C1orf141: variants seen among roughly 807,000 people sequenced by gnomAD.
C1orf141 encodes the protein uncharacterized protein C1orf141.
A neutral mutation model predicts 23.2 loss-of-function variants in C1orf141; 19 were observed. The observed-to-expected ratio is 0.82, with a 90% confidence interval of 0.57 to 1.20. C1orf141 has a LOEUF of 1.20. Ranked by LOEUF, C1orf141 falls within the 50% of genes most tolerant of loss-of-function variation. C1orf141 has a pLI of 0.00. For synonymous variants in C1orf141, 153 were observed against 154.6 expected (o/e 0.99, Z 0.08); for missense variants, 469 against 455.1 (o/e 1.03, Z -0.28).
intron 2 of C1orf141, 38 bp from the exon 3 acceptor site, chr1:67,127,295 C>A: frequency 8.6e-7 from 1 of 1,168,314 alleles, no homozygotes; most frequent in Non-Finnish European, 1.3e-6. Flanking sequence ...CAAATCAATT[C>A]AAATTTAAAC....
intron 1 of C1orf141, among the ~76,000 whole-genome samples, 190 bp downstream of exon 1, chr1:67,134,740 C>G (rs930718325): frequency 6.6e-6 from 1 of 152,236 alleles, no homozygotes; most frequent in Admixed American, 6.5e-5. Flanking sequence ...GGGCTCGCCT[C>G]TCGCCGCGGT....
intron 7 of C1orf141, chr1:67,094,116 C>T (rs1645616799): frequency 6.6e-6 from 1 of 152,128 alleles, no homozygotes; most frequent in Non-Finnish European, 1.5e-5. Flanking sequence ...TAATACTTAG[C>T]ACAATACCTG....
Position 67,093,148 on chromosome 1 carries a change from C to G in C1orf141, c.1060G>C (p.Gly354Arg). 6.2e-7 allele frequency: 1 copy of G among 1,613,870 alleles called. No homozygotes were observed. The highest frequency in any genetic ancestry group is 8.5e-7 in the Non-Finnish European group (1 of 1,179,864). Reference sequence around the variant, plus strand: ...GATGTGGGTATGCTCGTTGGTTTTCCTGCAGAAAACATTCTTTCAAATTTT... The same window carrying G: ...GATGTGGGTATGCTCGTTGGTTTTCGTGCAGAAAACATTCTTTCAAATTTT... ...TGKFERMFSAGKPTSIPTSSA... is the reference protein window; with the variant it reads ...TGKFERMFSARKPTSIPTSSA... The change falls in exon 8 of 8, where the codon GGA (glycine) becomes CGA (arginine). Residue 354 changes from glycine (G) to arginine (R), a missense_variant. Physicochemically the swap from Gly to Arg is moderately radical, Grantham distance 125 (BLOSUM62 -2). Around this residue, in one of 3 missense-constraint regions of C1orf141, gnomAD observed 370 missense variants for 348.1 expected, o/e 1.06. Transcript: ENST00000684719.
At chr1:67,111,671 A>C (rs1239592501) in intron 5 of C1orf141, 2 of 1,149,492 alleles carry the variant, frequency 1.7e-6, no homozygotes, top group Non-Finnish European at 1.2e-6. Context: ...AAGTATTTCC[A>C]TGCTATTAAG....
chr1:67,117,150 C>T (rs1225651783), intron 4 of C1orf141, among the ~76,000 whole-genome samples: 9 of 152,136 alleles, frequency 5.9e-5, no homozygotes, highest in African/African-American at 9.7e-5. Context: ...AGGCCGGGCG[C>T]GGTGGCTAAT....
chr1:67,102,941 A>G (rs764813159), intron 5 of C1orf141, among the ~76,000 whole-genome samples: 1 of 152,128 alleles, frequency 6.6e-6, no homozygotes, highest in African/African-American at 2.4e-5. Flanking sequence ...TCTCTTAACT[A>G]TTAAAGACAA....
chr1:67,096,717 A>C (rs1645689224), intron 5 of C1orf141, among the ~76,000 whole-genome samples: 1 of 152,260 alleles, frequency 6.6e-6, no homozygotes. Context: ...TGAAGTAAGC[A>C]TCATCCAAGG....
upstream of C1orf141, among the ~76,000 whole-genome samples, chr1:67,138,599 C>T (rs1646605317): frequency 6.6e-6 from 1 of 152,072 alleles, no homozygotes; most frequent in African/African-American, 2.4e-5. Context: ...CAGTCAAAAC[C>T]ATGCAGCATA....
intron 5 of C1orf141, among the ~76,000 whole-genome samples, chr1:67,110,115 T>C (rs1646034393): frequency 6.6e-6 from 1 of 152,136 alleles, no homozygotes; most frequent in Non-Finnish European, 1.5e-5. Flanking sequence ...AACAACTTAA[T>C]CAGAGTTCAA....
At chr1:67,126,646 C>T (rs935378087) in intron 3 of C1orf141, among the ~76,000 whole-genome samples, 3 of 152,162 alleles carry the variant, frequency 2.0e-5, no homozygotes, top group African/African-American at 7.2e-5. Context: ...TAGGACAGAT[C>T]GCTGAAAGAA....
chr1:67,106,366 G>T (rs546324611), intron 5 of C1orf141, among the ~76,000 whole-genome samples: 1 of 152,254 alleles, frequency 6.6e-6, no homozygotes, highest in South Asian at 2.1e-4. Context: ...TGCTTGATGG[G>T]TCAGGCACGG....
At chr1:67,122,464 T>C (rs897023948) in intron 4 of C1orf141, 6 of 152,214 alleles carry the variant, frequency 3.9e-5, no homozygotes, top group Admixed American at 6.5e-5. Flanking sequence ...AAGGATCAAA[T>C]CTACCTTTGC....
chr1:67,095,102 T>C, intron 7 of C1orf141, 133 bp downstream of exon 7: 2 of 571,070 alleles, frequency 3.5e-6, no homozygotes, highest in Non-Finnish European at 6.0e-6. Context: ...TTAAGTGCTG[T>C]TATCACTTTG....
At chr1:67,140,011 C>A (rs894410564) in intron 1 of C1orf141, among the ~76,000 whole-genome samples, 3 of 152,148 alleles carry the variant, frequency 2.0e-5, no homozygotes, top group Non-Finnish European at 2.9e-5. Context: ...CCATGTGATG[C>A]CCTGTGCCAC....
At chr1:67,124,576 C>T (rs1045084158) in intron 4 of C1orf141, among the ~76,000 whole-genome samples, 1 of 152,210 alleles carries the variant, frequency 6.6e-6, no homozygotes, top group Non-Finnish European at 1.5e-5. Context: ...ACCTCAGCCT[C>T]CCAATGTGTT....
chr1:67,110,260 G>A (rs983298350), intron 5 of C1orf141, among the ~76,000 whole-genome samples: 9 of 152,040 alleles, frequency 5.9e-5, no homozygotes, highest in African/African-American at 2.2e-4. Context: ...GGGGAATCAG[G>A]AGTTAGTGAT....
At chr1:67,116,352 T>C (rs1313435845) in intron 4 of C1orf141, among the ~76,000 whole-genome samples, 1 of 152,052 alleles carries the variant, frequency 6.6e-6, no homozygotes, top group African/African-American at 2.4e-5. Context: ...TTCTTTGAAA[T>C]AGATTCCAAA....
chr1:67,140,282 G>T (rs1266689373), intron 1 of C1orf141, among the ~76,000 whole-genome samples: 1 of 151,996 alleles, frequency 6.6e-6, no homozygotes, highest in Non-Finnish European at 1.5e-5. Context: ...TAAAATTTCT[G>T]TATGTCAAAA....
chr1:67,101,558 C>T (rs763805494), intron 5 of C1orf141, among the ~76,000 whole-genome samples: 8 of 149,922 alleles, frequency 5.3e-5, no homozygotes, highest in Non-Finnish European at 1.2e-4. Context: ...ATGGTTATTC[C>T]TTTCTCCTAA....
Sources: allele counts gnomAD v4.1 joint callset (sites outside exome capture counted in the v4.1 genomes callset), GRCh38; gene constraint gnomAD v4.1.1; regional missense constraint gnomAD v4.1.1; transcripts MANE v1.5; gene names NCBI Gene and HGNC (gene_info 2026-07-23, HGNC 2026-07-21).